EYA1: variants seen among roughly 807,000 people sequenced by gnomAD.
EYA1 encodes the protein EYA transcriptional coactivator and phosphatase 1, also known as protein phosphatase EYA1.
In EYA1, 16 loss-of-function variants were observed where a neutral mutation model predicts 82.0. That is an observed-to-expected ratio of 0.20 (90% CI 0.13 to 0.30). The LOEUF (loss-of-function observed/expected upper bound fraction) is 0.30. Among genes scored for constraint, EYA1 ranks in the 10% least tolerant of loss-of-function variants. EYA1 has a pLI of 1.00. For synonymous variants in EYA1, 261 were observed against 264.4 expected (o/e 0.99, Z 0.12); for missense variants, 633 against 730.7 (o/e 0.87, Z 1.54).
chr8:71,325,100 A>G (rs868262382), intron 4 of EYA1, among the ~76,000 whole-genome samples: 2 of 152,352 alleles, frequency 1.3e-5, no homozygotes, highest in Middle Eastern at 3.4e-3. Flanking sequence ...TCCTTGGCAC[A>G]GAATACAAAG....
At chr8:71,277,124 T>TGC (rs1563383231) in intron 9 of EYA1, among the ~76,000 whole-genome samples, 7,017 of 113,828 alleles carry the variant, frequency 0.062, 474 homozygotes, top group East Asian at 0.31. Context: ...CATTTTTTTT[T>TGC]TTTTTTTTTT....
Position 71,361,807 on chromosome 8 carries a change from T to A in EYA1, c.-215A>T, listed in dbSNP as rs1029135054. ...GGCGCTTCTGGGAGTGGAGCGCCTCTGCAGGGGAAAGCTCGGCGCAGGGGG... is the reference window on the plus strand; with the variant it reads ...GGCGCTTCTGGGAGTGGAGCGCCTCAGCAGGGGAAAGCTCGGCGCAGGGGG... On this transcript the variant is annotated 5_prime_UTR_variant, in exon 1 of 18. An upstream open reading frame in the 5' UTR gains an earlier in-frame stop. Coordinates refer to ENST00000340726, the MANE Select transcript of EYA1 (RefSeq NM_000503.6). 10 of 985,358 alleles carry A rather than the reference T, an allele frequency of 1.0e-5. No individual in the cohort carries two copies. The African/African-American group carries it at 1.6e-4, about 15-fold the overall frequency. 61.0% of individuals were successfully genotyped at this position (985,358 alleles called of 1,614,324 possible).
intron 2 of EYA1, among the ~76,000 whole-genome samples, chr8:71,425,798 A>T (rs533194153): frequency 9.8e-5 from 15 of 152,330 alleles, no homozygotes; most frequent in African/African-American, 3.1e-4. Context: ...TTGCTGGAAC[A>T]GCCTGAAAGA....
chr8:71,280,045 T>C lies in EYA1; in HGVS notation c.827-8148A>G, dbSNP rs548000817. 5.9e-5 allele frequency among the ~76,000 whole-genome samples: 9 copies of C among 152,330 alleles called. No homozygotes were observed. In the East Asian group the frequency reaches 1.7e-3, roughly 29 times the overall value. ...CTTGGTTTGATACACGCACCAGAAC[T>C]ATACATCTTGTGAGTGATTTTTTGA... On this transcript the variant is annotated intron_variant, in intron 9 of 17. Transcript: ENST00000340726.
At chr8:71,285,451 A>G (rs1818265280) in intron 9 of EYA1, among the ~76,000 whole-genome samples, 1 of 152,240 alleles carries the variant, frequency 6.6e-6, no homozygotes, top group Admixed American at 6.5e-5. Flanking sequence ...GCTGAAAACA[A>G]TATTCATGAC....
chr8:71,362,955 CTAA>C (rs1827524079), upstream of EYA1, among the ~76,000 whole-genome samples: 2 of 152,278 alleles, frequency 1.3e-5, no homozygotes, highest in Non-Finnish European at 2.9e-5. Context: ...GTTTATGTGA[CTAA>C]TGATTGTATC....
chr8:71,251,937 A>T (rs1215439421), intron 11 of EYA1, among the ~76,000 whole-genome samples: 1 of 152,182 alleles, frequency 6.6e-6, no homozygotes, highest in African/African-American at 2.4e-5. Context: ...CTGAAATGCC[A>T]TTAAATACAG....
chr8:71,291,607 C>G (rs1295229466), intron 9 of EYA1, among the ~76,000 whole-genome samples: 4 of 152,158 alleles, frequency 2.6e-5, no homozygotes, highest in Non-Finnish European at 4.4e-5. Context: ...TCACATTAAT[C>G]TAAAATGTTT....
At chr8:71,452,550 G>A (rs775547628) in intron 2 of EYA1, among the ~76,000 whole-genome samples, 21 of 152,180 alleles carry the variant, frequency 1.4e-4, no homozygotes, top group Non-Finnish European at 2.8e-4. Context: ...TCACACGACT[G>A]GGTACCCCTC....
intron 2 of EYA1, among the ~76,000 whole-genome samples, chr8:71,459,444 CT>C (rs1337915798): frequency 1.3e-5 from 2 of 152,126 alleles, no homozygotes; most frequent in Non-Finnish European, 1.5e-5. Flanking sequence ...ACTGGCTGTA[CT>C]GACCTTCATT....
intron 9 of EYA1, among the ~76,000 whole-genome samples, chr8:71,295,574 G>C (rs1819504698): frequency 6.6e-6 from 1 of 152,088 alleles, no homozygotes; most frequent in Non-Finnish European, 1.5e-5. Context: ...ACCAAATTCT[G>C]GCAAGAATAT....
intron 4 of EYA1, chr8:71,322,596 T>G (rs894348095): frequency 2.9e-6 from 1 of 341,396 alleles, no homozygotes; most frequent in Non-Finnish European, 5.6e-6. Context: ...TGGCTACTGT[T>G]TGGAAAGCTG....
chr8:71,217,521 C>T (rs1809363166), intron 12 of EYA1, among the ~76,000 whole-genome samples: 1 of 152,214 alleles, frequency 6.6e-6, no homozygotes, highest in East Asian at 1.9e-4. Context: ...GACAAAAAAT[C>T]TGTTACTGGT....
chr8:71,307,457 T>C (rs1211282109), intron 7 of EYA1, among the ~76,000 whole-genome samples: 1 of 152,068 alleles, frequency 6.6e-6, no homozygotes, highest in Non-Finnish European at 1.5e-5. Context: ...AGCGTGTCCG[T>C]CCCACCACAC....
At chr8:71,327,682 T>G (rs190921388) in intron 4 of EYA1, among the ~76,000 whole-genome samples, 214 of 152,200 alleles carry the variant, frequency 1.4e-3, no homozygotes, top group African/African-American at 4.7e-3. Context: ...AGGGCTTCCC[T>G]GGAAGAGTGA....
chr8:71,356,598 G>C, intron 1 of EYA1, 87 bp from the exon 2 acceptor site: 1 of 1,461,122 alleles, frequency 6.8e-7, no homozygotes, highest in Non-Finnish European at 9.1e-7. Context: ...GGCTGAGAAC[G>C]ACAATGCTCT....
intron 7 of EYA1, among the ~76,000 whole-genome samples, chr8:71,314,984 T>G (rs958597489): frequency 2.2e-5 from 3 of 134,574 alleles, no homozygotes; most frequent in African/African-American, 8.1e-5. Flanking sequence ...ACTCATTCAT[T>G]TCCCCTTTTT....
At chr8:71,333,982 T>C (rs1331821456) in intron 4 of EYA1, 115 bp downstream of exon 4, 2 of 757,806 alleles carry the variant, frequency 2.6e-6, no homozygotes, top group Non-Finnish European at 4.8e-6. Flanking sequence ...TAAGTACGTA[T>C]ATACCCACAT....
chr8:71,206,357 G>A (rs1306580779), intron 17 of EYA1, among the ~76,000 whole-genome samples: 1 of 152,010 alleles, frequency 6.6e-6, no homozygotes, highest in Non-Finnish European at 1.5e-5. Flanking sequence ...CAGTAGCTTA[G>A]GACTACAGGC....
Sources: allele counts gnomAD v4.1 joint callset (sites outside exome capture counted in the v4.1 genomes callset), GRCh38; gene constraint gnomAD v4.1.1; transcripts MANE v1.5; gene names NCBI Gene and HGNC (gene_info 2026-07-23, HGNC 2026-07-21).